Variants in SUGT1 observed in about 807,000 individuals in gnomAD.
SUGT1 encodes protein SGT1 homolog.
SUGT1 carries 15 observed loss-of-function variants against 56.1 expected under a neutral mutation model. The observed-to-expected ratio is 0.27, with a 90% CI of 0.18 to 0.41. The LOEUF (loss-of-function observed/expected upper bound fraction) is 0.41, where lower values mean the gene tolerates loss of function less well. SUGT1 is among the 10% of genes least tolerant of loss of function. The pLI is 1.00. For synonymous variants in SUGT1, 123 were observed against 128.6 expected, an observed-to-expected ratio of 0.96 and a Z score of 0.30; for missense variants, 347 against 382.2, an observed-to-expected ratio of 0.91 and a Z score of 0.77.
Position 52,696,648 on chromosome 13 carries a change from G to T in SUGT1, c.*8813G>T, listed in dbSNP as rs1963942810. The T allele has an allele frequency of 6.6e-6, 1 of 152,170 alleles. No individual in the cohort carries two copies. Among genetic ancestry groups the T allele is most frequent in the South Asian group, 2.1e-4 (1 of 4,824 alleles). 9.4% of individuals were successfully genotyped at this position (152,170 alleles called of 1,614,324 possible). On this transcript the variant is annotated 3_prime_UTR_variant, in exon 13 of 13. Coordinates refer to ENST00000310528, the MANE Select transcript of SUGT1 (RefSeq NM_006704.5). ...AATAGTAATTTGTTTTCAAAAAGAT[G>T]AGGTCTTGCTGTGGTGCTCAGGCTG...
At chr13:52,669,105 C>T (rs1962831196) in intron 10 of SUGT1, among the ~76,000 whole-genome samples, 1 of 152,046 alleles carries the variant, frequency 6.6e-6, no homozygotes, top group African/African-American at 2.4e-5. Context: ...CTTTTCTGCC[C>T]CTTCCTCTTT....
At chr13:52,680,225 A>G in intron 12 of SUGT1, 70 bp downstream of exon 12, 2 of 1,438,174 alleles carry the variant, frequency 1.4e-6, no homozygotes, top group Non-Finnish European at 1.9e-6. Flanking sequence ...AAAATTGGTA[A>G]TGTGAGACCA....
At chr13:52,670,885 CTTAAGTCATAG>C (rs1264992272) in intron 10 of SUGT1, among the ~76,000 whole-genome samples, 1 of 152,088 alleles carries the variant, frequency 6.6e-6, no homozygotes, top group African/African-American at 2.4e-5. Flanking sequence ...TTCTTGTATT[CTTAAGTCATAG>C]TTAAGTCATA....
chr13:52,669,599 T>C (rs1484265683), intron 10 of SUGT1, among the ~76,000 whole-genome samples: 1 of 152,202 alleles, frequency 6.6e-6, no homozygotes, highest in East Asian at 1.9e-4. Context: ...AGTGCATCTT[T>C]GCTTAGGTTT....
rs564330297 is a variant in SUGT1, at chr13:52,660,905, C to T, written c.328+1656C>T. Reference sequence around the variant, plus strand: ...CACTGCAGCCTCCACCTCTTGGGCTCAAGTGATCCTCCCACCTCAGCCTCC... The same window carrying T: ...CACTGCAGCCTCCACCTCTTGGGCTTAAGTGATCCTCCCACCTCAGCCTCC... On this transcript the variant is annotated intron_variant, in intron 5 of 12. Coordinates refer to ENST00000310528, the MANE Select transcript of SUGT1 (RefSeq NM_006704.5). Among the ~76,000 whole-genome samples the T allele has an allele frequency of 1.2e-4, 18 of 152,298 alleles. No homozygotes were observed. In the East Asian group the frequency reaches 3.3e-3, roughly 28 times the overall value.
intron 2 of SUGT1, among the ~76,000 whole-genome samples, chr13:52,655,239 A>T (rs1294271675): frequency 6.6e-6 from 1 of 152,192 alleles, no homozygotes; most frequent in Non-Finnish European, 1.5e-5. Context: ...GCTACCTGCG[A>T]GGCTGAGGCA....
rs1963910063 is a variant in SUGT1, at chr13:52,695,706, T to C, written c.*7871T>C. ...CTCTTGTCACTGCTTTGCTGTGTAC[T>C]AAAGCTCCCAGACACACAAGAATCT... On this transcript the variant is annotated 3_prime_UTR_variant, in exon 13 of 13. Transcript: ENST00000310528. 1 of 152,260 alleles carries C rather than the reference T, an allele frequency of 6.6e-6. No individual in the cohort carries two copies. Among genetic ancestry groups the C allele is most frequent in the South Asian group, 2.1e-4 (1 of 4,838 alleles). 9.4% of individuals were successfully genotyped at this position (152,260 alleles called of 1,614,324 possible).
chr13:52,658,257 C>G, intron 3 of SUGT1, 142 bp from the exon 4 acceptor site: 1 of 1,517,784 alleles, frequency 6.6e-7, no homozygotes, highest in Non-Finnish European at 8.8e-7. Context: ...TGAATTCTAT[C>G]TTGTATTAGC....
At chr13:52,681,038 A>T (rs1050407963) in intron 12 of SUGT1, among the ~76,000 whole-genome samples, 1 of 152,100 alleles carries the variant, frequency 6.6e-6, no homozygotes, top group Non-Finnish European at 1.5e-5. Context: ...GGGTTGCGCC[A>T]CGTTGCCCAG....
chr13:52,669,021 C>G (rs1962828229), intron 10 of SUGT1, among the ~76,000 whole-genome samples: 1 of 152,088 alleles, frequency 6.6e-6, no homozygotes, highest in Admixed American at 6.5e-5. Context: ...TATCTCAATT[C>G]TTTTTTCTCT....
chr13:52,671,667 C>T (rs1429880723), intron 10 of SUGT1, among the ~76,000 whole-genome samples: 2 of 152,218 alleles, frequency 1.3e-5, no homozygotes, highest in East Asian at 1.9e-4. Context: ...ATTTGCCAGA[C>T]GTGGTTCTTT....
rs1191716467 is a variant in SUGT1, at chr13:52,658,056, T to G, written c.188-343T>G. On this transcript the variant is annotated intron_variant, in intron 3 of 12. Transcript: ENST00000310528. ...GGGCAACATAACAAGACCACCTGTA[T>G]TTAAAAAGTAATGTATTTCTGTATT... The G allele has an allele frequency of 3.4e-6, 4 of 1,187,282 alleles. No homozygotes were observed. The African/African-American group carries it at 4.8e-5, about 14-fold the overall frequency. 73.5% of individuals were successfully genotyped at this position (1,187,282 alleles called of 1,614,324 possible). A position where few individuals can be genotyped will look rare whatever the true frequency, so the allele number is the denominator to read the frequency against.
chr13:52,655,018 C>T (rs1027913762), intron 2 of SUGT1, among the ~76,000 whole-genome samples: 1 of 152,178 alleles, frequency 6.6e-6, no homozygotes, highest in Non-Finnish European at 1.5e-5. Flanking sequence ...ATGTATGGCT[C>T]TTGGACCAGC....
chr13:52,652,937 C>CGG lies in SUGT1; in HGVS notation c.17_18insGG (p.Gly7GlufsTer17). 1 of 1,614,162 alleles carries CGG rather than the reference C, an allele frequency of 6.2e-7. No homozygotes were observed. On this transcript the variant is annotated frameshift_variant, in exon 1 of 13. Coordinates refer to ENST00000310528, the MANE Select transcript of SUGT1 (RefSeq NM_006704.5). LOFTEE classifies it high-confidence loss of function. Reference sequence around the variant, plus strand: ...CTACGAGGGATGGCGGCGGCTGCAGCAGGAACTGCAACATCCCAGAGGTGC... The same window carrying CGG: ...CTACGAGGGATGGCGGCGGCTGCAGCGGAGGAACTGCAACATCCCAGAGGTGC...
At chr13:52,671,604 A>G (rs527872621) in intron 10 of SUGT1, among the ~76,000 whole-genome samples, 13 of 152,194 alleles carry the variant, frequency 8.5e-5, no homozygotes, top group Non-Finnish European at 1.9e-4. Flanking sequence ...GAGATGTTCA[A>G]TAATTTGCCC....
At chr13:52,662,757 A>C (rs1328688709) in intron 6 of SUGT1, 55 bp downstream of exon 6, 1 of 1,568,954 alleles carries the variant, frequency 6.4e-7, no homozygotes, top group East Asian at 2.2e-5. Flanking sequence ...AAACATCTGA[A>C]ATTTTTTTGG....
At chr13:52,658,001 C>G in intron 3 of SUGT1, 1 of 868,412 alleles carries the variant, frequency 1.2e-6, no homozygotes, top group Non-Finnish European at 1.5e-6. Context: ...GCAGGAGGAT[C>G]ATTTGAGCCC....
chr13:52,662,981 A>G, intron 6 of SUGT1, 115 bp from the exon 7 acceptor site: 7 of 1,168,784 alleles, frequency 6.0e-6, no homozygotes, highest in South Asian at 1.5e-5. Context: ...TTTAGTTGAA[A>G]GGTACGGAGA....
intron 5 of SUGT1, 22 bp from the exon 6 acceptor site, chr13:52,662,627 A>G (rs1323159939): frequency 6.2e-7 from 1 of 1,612,992 alleles, no homozygotes; most frequent in South Asian, 1.1e-5. Flanking sequence ...GAGTGATGTT[A>G]TAGTCAGTTT....
Sources: allele counts gnomAD v4.1 joint callset (sites outside exome capture counted in the v4.1 genomes callset), GRCh38; gene constraint gnomAD v4.1.1; transcripts MANE v1.5; gene names NCBI Gene and HGNC (gene_info 2026-07-23, HGNC 2026-07-21).